Variants in NELL1 observed in about 807,000 individuals in gnomAD.
NELL1 encodes the protein protein kinase C-binding protein NELL1.
A neutral mutation model predicts 107.4 loss-of-function variants in NELL1; 76 were observed. The observed-to-expected ratio is 0.71, with a 90% CI of 0.59 to 0.86. The LOEUF (loss-of-function observed/expected upper bound fraction) is 0.86. NELL1 is among the 40% of genes least tolerant of loss of function. The pLI is 0.00. For missense variants in NELL1, 1,024 were observed against 1,005.5 expected (o/e 1.02, Z -0.25); for synonymous variants, 353 against 341.2 (o/e 1.03, Z -0.38).
intron 12 of NELL1, among the ~76,000 whole-genome samples, chr11:21,020,929 T>C (rs927553607): frequency 1.4e-4 from 21 of 151,556 alleles, no homozygotes; most frequent in Non-Finnish European, 1.0e-4. Context: ...TGGAGTTGTT[T>C]GAACTGGTTC....
chr11:20,929,360 T>C (rs1564972067), intron 9 of NELL1, among the ~76,000 whole-genome samples: 1 of 151,894 alleles, frequency 6.6e-6, no homozygotes, highest in Non-Finnish European at 1.5e-5. Flanking sequence ...ACACTGAAAG[T>C]GGGAATAGCA....
At chr11:21,456,170 G>A (rs1213165844) in intron 15 of NELL1, among the ~76,000 whole-genome samples, 2 of 152,126 alleles carry the variant, frequency 1.3e-5, no homozygotes, top group East Asian at 3.9e-4. Context: ...TGGGATTACA[G>A]GCGATGCCTG....
At chr11:20,698,347 G>A (rs187647132) in intron 2 of NELL1, among the ~76,000 whole-genome samples, 128 of 152,220 alleles carry the variant, frequency 8.4e-4, no homozygotes, top group African/African-American at 2.8e-3. Flanking sequence ...CACTTCTACC[G>A]TCTGCACTAA....
intron 13 of NELL1, among the ~76,000 whole-genome samples, chr11:21,213,382 G>T (rs1857544236): frequency 6.6e-6 from 1 of 151,970 alleles, no homozygotes; most frequent in Non-Finnish European, 1.5e-5. Context: ...AAGTGCAAAA[G>T]AACTAGAATA....
intron 14 of NELL1, among the ~76,000 whole-genome samples, chr11:21,346,336 C>T (rs2133711794): frequency 6.6e-6 from 1 of 152,066 alleles, no homozygotes; most frequent in South Asian, 2.1e-4. Flanking sequence ...GCCCCAACCC[C>T]ACAATAGCAT....
In NELL1 at chr11:21,462,448, C is replaced by T. The variant is rs1444876942; in HGVS notation, c.1646-71926C>T. Among the ~76,000 whole-genome samples the T allele has an allele frequency of 2.0e-5, 3 of 151,920 alleles. No individual in the cohort carries two copies. The East Asian group carries it at 5.8e-4, about 29-fold the overall frequency. ...TGGTTAAAATAGATTGTTTTCTTTC[C>T]CCCCTCTACAATGTGGCATTTTCTT... On this transcript the variant is annotated intron_variant, in intron 15 of 19. Transcript: ENST00000357134.
At chr11:21,063,862 T>C (rs536842503) in intron 12 of NELL1, among the ~76,000 whole-genome samples, 65 of 152,292 alleles carry the variant, frequency 4.3e-4, no homozygotes, top group African/African-American at 1.4e-3. Context: ...TTATAAAAAC[T>C]ATTTGAAGTT....
chr11:20,838,299 T>C lies in NELL1; in HGVS notation c.336-9284T>C, dbSNP rs148957252. Among the ~76,000 whole-genome samples the C allele has an allele frequency of 1.1e-4, 16 of 149,666 alleles. No homozygotes were observed. In the East Asian group the frequency reaches 2.5e-3, roughly 24 times the overall value. Reference sequence around the variant, plus strand: ...AGGCAAGTCTGAACTGGCACAGCTATAAGGAGCCTGAGGAGGCATGACAAA... The same window carrying C: ...AGGCAAGTCTGAACTGGCACAGCTACAAGGAGCCTGAGGAGGCATGACAAA... On this transcript the variant is annotated intron_variant, in intron 3 of 19. Coordinates refer to ENST00000357134, the MANE Select transcript of NELL1 (RefSeq NM_006157.5).
At chr11:21,037,247 A>G (rs1853115331) in intron 12 of NELL1, among the ~76,000 whole-genome samples, 2 of 152,126 alleles carry the variant, frequency 1.3e-5, no homozygotes, top group African/African-American at 4.8e-5. Flanking sequence ...TTAATTAAAA[A>G]TGTGAATTTA....
At chr11:20,966,480 G>A (rs1851389295) in intron 12 of NELL1, among the ~76,000 whole-genome samples, 1 of 152,084 alleles carries the variant, frequency 6.6e-6, no homozygotes, top group Non-Finnish European at 1.5e-5. Context: ...TTAATTCTTA[G>A]TTCCTGCTCC....
intron 3 of NELL1, among the ~76,000 whole-genome samples, chr11:20,837,165 G>T (rs1019972122): frequency 7.9e-5 from 12 of 152,074 alleles, no homozygotes; most frequent in Non-Finnish European, 1.5e-4. Context: ...TGATAAAGTT[G>T]TTTACCTGAG....
intron 10 of NELL1, among the ~76,000 whole-genome samples, chr11:20,940,700 G>T (rs1245774780): frequency 6.6e-6 from 1 of 152,158 alleles, no homozygotes; most frequent in African/African-American, 2.4e-5. Context: ...CATTCTAAAG[G>T]CTATAGAGGC....
At chr11:21,104,540 A>G (rs553226281) in intron 12 of NELL1, among the ~76,000 whole-genome samples, 3 of 152,350 alleles carry the variant, frequency 2.0e-5, no homozygotes, top group African/African-American at 7.2e-5. Context: ...AATGTCAGCA[A>G]TCCAACACTC....
At chr11:20,893,107 A>G (rs1849652137) in intron 5 of NELL1, among the ~76,000 whole-genome samples, 1 of 152,178 alleles carries the variant, frequency 6.6e-6, no homozygotes, top group Admixed American at 6.5e-5. Context: ...TGTCCTTTGC[A>G]GAGACATGGG....
chr11:21,486,463 A>G (rs991192783), intron 15 of NELL1, among the ~76,000 whole-genome samples: 2 of 152,210 alleles, frequency 1.3e-5, no homozygotes, highest in African/African-American at 2.4e-5. Context: ...ACATATCTAC[A>G]TCTTCAGCAA....
intron 17 of NELL1, among the ~76,000 whole-genome samples, chr11:21,569,452 G>A (rs998034435): frequency 3.5e-5 from 5 of 141,928 alleles, no homozygotes; most frequent in African/African-American, 1.3e-4. Context: ...ATACATGGTA[G>A]AATATGATGA....
chr11:21,150,339 G>T (rs955570019), intron 13 of NELL1, among the ~76,000 whole-genome samples: 9 of 152,168 alleles, frequency 5.9e-5, no homozygotes. Context: ...TGGCAGGGGG[G>T]CAGAGGGGCT....
chr11:21,372,254 T>A (rs1422286054), intron 15 of NELL1, among the ~76,000 whole-genome samples: 7 of 151,884 alleles, frequency 4.6e-5, no homozygotes, highest in Non-Finnish European at 8.8e-5. Flanking sequence ...GAACTACATT[T>A]AATTTTAAGT....
chr11:21,407,034 A>G (rs549644554), intron 15 of NELL1, among the ~76,000 whole-genome samples: 2 of 152,146 alleles, frequency 1.3e-5, no homozygotes, highest in Admixed American at 1.3e-4. Flanking sequence ...GCTTCCACGT[A>G]TGAGTGAGAA....
Sources: gnomAD v4.1 joint callset for allele counts (sites outside exome capture counted in the v4.1 genomes callset) on GRCh38, gnomAD v4.1.1 for gene constraint, MANE v1.5 for transcripts, NCBI Gene and HGNC (gene_info 2026-07-23, HGNC 2026-07-21) for gene names.